Variants in CPM observed in about 807,000 individuals in gnomAD.
CPM encodes carboxypeptidase M, also known as renal carboxypeptidase.
Under a neutral mutation model 46.4 loss-of-function variants are expected in CPM, and 35 were observed. The ratio of observed to expected loss-of-function variants is 0.75; its 90% CI spans 0.58 to 1.00. The LOEUF is 1.00. Among genes scored for constraint, CPM ranks in the 50% least tolerant of loss-of-function variants. The pLI is 0.00. For missense variants in CPM, 422 were observed against 530.4 expected (o/e 0.80, Z 2.01); for synonymous variants, 195 against 195.3 (o/e 1.00, Z 0.01).
At chr12:68,948,292 T>C (rs1271636670) in intron 1 of CPM, among the ~76,000 whole-genome samples, 3 of 152,206 alleles carry the variant, frequency 2.0e-5, no homozygotes, top group Admixed American at 6.5e-5. Context: ...CTATCTGTTT[T>C]ATGACCTTAA....
At chr12:68,869,597 T>G in intron 5 of CPM, 102 bp from the exon 6 acceptor site, 1 of 1,032,212 alleles carries the variant, frequency 9.7e-7, no homozygotes, top group Non-Finnish European at 1.4e-6. Context: ...ACACACATGC[T>G]CTAATTTCCC....
chr12:68,898,610 A>G (rs1208288566), intron 2 of CPM, among the ~76,000 whole-genome samples: 1 of 152,244 alleles, frequency 6.6e-6, no homozygotes, highest in African/African-American at 2.4e-5. Context: ...GTAGTTTAGT[A>G]AAGACATCAA....
At chr12:68,952,159 G>A (rs1888945848) in intron 1 of CPM, among the ~76,000 whole-genome samples, 1 of 152,162 alleles carries the variant, frequency 6.6e-6, no homozygotes, top group African/African-American at 2.4e-5. Flanking sequence ...TTTTTTGAGG[G>A]AAAGCCTATC....
At chr12:68,941,758 G>C (rs1888765206) in intron 1 of CPM, among the ~76,000 whole-genome samples, 1 of 152,152 alleles carries the variant, frequency 6.6e-6, no homozygotes, top group Non-Finnish European at 1.5e-5. Context: ...TTTATCTTAA[G>C]CTGGGATCTC....
intron 5 of CPM, chr12:68,844,386 A>C: frequency 4.4e-6 from 1 of 226,158 alleles, no homozygotes; most frequent in South Asian, 1.8e-4. Context: ...AACTTGAGAG[A>C]ATGATGTTGC....
At chr12:68,876,850 C>A (rs1294492615) in intron 3 of CPM, among the ~76,000 whole-genome samples, 9 of 151,858 alleles carry the variant, frequency 5.9e-5, no homozygotes, top group Non-Finnish European at 1.0e-4. Context: ...CAATCTACAA[C>A]CCAGGCAGTG....
chr12:68,866,694 C>T (rs1885464957), intron 7 of CPM: 1 of 524,114 alleles, frequency 1.9e-6, no homozygotes, highest in Non-Finnish European at 3.3e-6. Flanking sequence ...CATCATGCTT[C>T]CTTTTCTATG....
In CPM at chr12:68,923,158, AGAGTGTGTGTGTGTGTGTGTGTGTGT is replaced by A. The variant is rs1202344282; in HGVS notation, c.160+9494_160+9519del. Among the ~76,000 whole-genome samples, 23 of 131,902 alleles carry A rather than the reference AGAGTGTGTGTGTGTGTGTGTGTGTGT, an allele frequency of 1.7e-4. No homozygotes were observed. The South Asian group carries it at 1.8e-3, about 10-fold the overall frequency. The allele number at this position is 131,902 out of a possible 152,430, so 86.5% of individuals were successfully genotyped here. On this transcript the variant is annotated intron_variant, in intron 2 of 8. Coordinates refer to ENST00000551568, the MANE Select transcript of CPM (RefSeq NM_198320.5). ...CCAAATGCATGTTGGTATTTGATAT[AGAGTGTGTGTGTGTGTGTGTGTGTGT>A]GTGTGTGTGTGTGTGTGTGTGTGTG... is the stretch of plus-strand genomic sequence containing the variant.
rs1432133013 is a variant in CPM at position 68,853,650 on chromosome 12, T to C, written c.*2787A>G. ...GAAAGTAATAACCAAGGCAACTCAC[T>C]TTCCATGAGTAATACACCACACTTC... On this transcript the variant is annotated 3_prime_UTR_variant, in exon 9 of 9. Transcript: ENST00000551568. 6.6e-6 allele frequency: 1 copy of C among 152,060 alleles called. No individual in the cohort carries two copies. Among genetic ancestry groups the C allele is most frequent in the Non-Finnish European group, 1.5e-5 (1 of 68,026 alleles). 9.4% of individuals were successfully genotyped at this position (152,060 alleles called of 1,614,324 possible).
At chr12:68,869,143 A>ATGTC (rs1268680834) in intron 6 of CPM, among the ~76,000 whole-genome samples, 182 bp downstream of exon 6, 1 of 152,204 alleles carries the variant, frequency 6.6e-6, no homozygotes, top group Non-Finnish European at 1.5e-5. Context: ...AATGAGGAAC[A>ATGTC]TGTCTGAGCA....
chr12:68,854,502 G>A lies in CPM; in HGVS notation c.*1935C>T, dbSNP rs908659073. ...AAGGGTCCCTAACCCCAGACTGCCT[G>A]CGAAGAGGTGAAATGGAATTGAATG... On this transcript the variant is annotated 3_prime_UTR_variant, in exon 9 of 9. Transcript: ENST00000551568. 1 of 152,214 alleles carries A rather than the reference G, an allele frequency of 6.6e-6. No homozygotes were observed. Among genetic ancestry groups the A allele is most frequent in the Non-Finnish European group, 1.5e-5 (1 of 68,054 alleles). The allele number at this position is 152,214 out of a possible 1,614,324, so 9.4% of individuals were successfully genotyped here. A position where few individuals can be genotyped will look rare whatever the true frequency, so the allele number is the denominator to read the frequency against.
chr12:68,900,482 C>T (rs1887067988), intron 2 of CPM, among the ~76,000 whole-genome samples: 1 of 152,160 alleles, frequency 6.6e-6, no homozygotes. Flanking sequence ...AAGTGTCTTA[C>T]AAAACTAAAC....
rs945102569 is a variant in CPM at position 68,926,465 on chromosome 12, C to G, written c.160+6213G>C. On this transcript the variant is annotated intron_variant, in intron 2 of 8. Coordinates refer to ENST00000551568, the MANE Select transcript of CPM (RefSeq NM_198320.5). ...GAGCTATACCTTCAGGTCAAATGTGCCCAAACCATGGTCCTAAAACCCTCT... is the reference window on the plus strand; with the variant it reads ...GAGCTATACCTTCAGGTCAAATGTGGCCAAACCATGGTCCTAAAACCCTCT... Among the ~76,000 whole-genome samples, 8 of 152,126 alleles carry G rather than the reference C, an allele frequency of 5.3e-5. No individual in the cohort carries two copies. The East Asian group carries it at 1.5e-3, about 29-fold the overall frequency.
At chr12:68,845,584 A>G (rs539954474) in intron 5 of CPM, 15 of 181,344 alleles carry the variant, frequency 8.3e-5, no homozygotes, top group Non-Finnish European at 1.4e-4. Context: ...TTGAATTCGT[A>G]TTGCTTTCCT....
chr12:68,874,311 C>T (rs1393819768), intron 3 of CPM, among the ~76,000 whole-genome samples: 1 of 151,994 alleles, frequency 6.6e-6, no homozygotes, highest in East Asian at 1.9e-4. Flanking sequence ...AAAACTGTGA[C>T]AGTAACTTTA....
chr12:68,903,602 G>T (rs1398968755), intron 2 of CPM, among the ~76,000 whole-genome samples: 1 of 152,168 alleles, frequency 6.6e-6, no homozygotes, highest in Non-Finnish European at 1.5e-5. Flanking sequence ...GAGTTTACCC[G>T]TTCATTAAAG....
At chr12:68,887,109 C>A (rs1321481926) in intron 2 of CPM, among the ~76,000 whole-genome samples, 1 of 152,210 alleles carries the variant, frequency 6.6e-6, no homozygotes, top group Non-Finnish European at 1.5e-5. Flanking sequence ...CTCCCACTAA[C>A]AAAAACTGCT....
At chr12:68,878,695 G>A (rs1886061103) in intron 3 of CPM, among the ~76,000 whole-genome samples, 1 of 152,130 alleles carries the variant, frequency 6.6e-6, no homozygotes, top group Non-Finnish European at 1.5e-5. Flanking sequence ...TGTTTAGTTG[G>A]CTTTGCATGA....
intron 2 of CPM, among the ~76,000 whole-genome samples, chr12:68,907,575 T>C (rs1031736877): frequency 6.6e-6 from 1 of 152,196 alleles, no homozygotes; most frequent in Admixed American, 6.5e-5. Context: ...CATATGGTTT[T>C]AATGACAAGG....
Sources: allele counts gnomAD v4.1 joint callset (sites outside exome capture counted in the v4.1 genomes callset), GRCh38; gene constraint gnomAD v4.1.1; transcripts MANE v1.5; gene names NCBI Gene and HGNC (gene_info 2026-07-23, HGNC 2026-07-21).